SCGN: variants seen among roughly 807,000 people sequenced by gnomAD.
SCGN encodes the protein secretagogin.
In SCGN, 30 loss-of-function variants were observed where a neutral mutation model predicts 39.7. The ratio of observed to expected loss-of-function variants is 0.76; its 90% CI spans 0.57 to 1.03. The LOEUF (loss-of-function observed/expected upper bound fraction) is 1.03, where lower values mean the gene tolerates loss of function less well. Among genes scored for constraint, SCGN ranks in the 50% least tolerant of loss-of-function variants. The pLI, the probability that SCGN is intolerant of heterozygous loss-of-function variation, is 0.00. For missense variants in SCGN, 353 were observed against 349.4 expected, an observed-to-expected ratio of 1.01 and a Z score of -0.08; for synonymous variants, 106 against 114.1, an observed-to-expected ratio of 0.93 and a Z score of 0.45.
chr6:25,665,944 T>A (rs116520418), intron 4 of SCGN, among the ~76,000 whole-genome samples: 1,530 of 152,292 alleles, frequency 0.01, 13 homozygotes, highest in Middle Eastern at 0.027. Flanking sequence ...TAGGCATACA[T>A]TGTAGAATAA....
At position 25,689,450 on chromosome 6, in the gene SCGN, CATA is replaced by C; in HGVS notation, c.574-20_574-18del. ...CTGAATTGTCACATTGCTGGACTGA[CATA>C]ATGTTTTTTCCTTACACAGGCTTGT... On this transcript the variant is annotated intron_variant, in intron 8 of 10. Transcript: ENST00000377961. The C allele has an allele frequency of 6.2e-7, 1 of 1,604,780 alleles. No individual in the cohort carries two copies. Among genetic ancestry groups the C allele is most frequent in the Non-Finnish European group, 8.5e-7 (1 of 1,171,702 alleles).
intron 4 of SCGN, among the ~76,000 whole-genome samples, chr6:25,666,281 A>C (rs772749202): frequency 6.6e-6 from 1 of 151,986 alleles, no homozygotes; most frequent in African/African-American, 2.4e-5. Context: ...ACTTGAACCC[A>C]GGAGGCGGAG....
intron 2 of SCGN, among the ~76,000 whole-genome samples, chr6:25,657,420 G>A (rs1760246527): frequency 6.6e-6 from 1 of 152,132 alleles, no homozygotes; most frequent in Non-Finnish European, 1.5e-5. Flanking sequence ...TTAGAATAAT[G>A]TTTTGGCCTG....
intron 2 of SCGN, among the ~76,000 whole-genome samples, chr6:25,655,687 C>T (rs1760215145): frequency 6.6e-6 from 1 of 152,062 alleles, no homozygotes; most frequent in African/African-American, 2.4e-5. Context: ...AAATGCAGAC[C>T]CCTAGGTCTC....
chr6:25,681,087 T>C (rs1759631979), intron 6 of SCGN, among the ~76,000 whole-genome samples: 1 of 152,220 alleles, frequency 6.6e-6, no homozygotes, highest in Non-Finnish European at 1.5e-5. Flanking sequence ...ATCTCTCTCT[T>C]CTATTTTGCC....
intron 2 of SCGN, among the ~76,000 whole-genome samples, chr6:25,659,028 C>G (rs1042460000): frequency 2.0e-5 from 3 of 152,172 alleles, no homozygotes; most frequent in Non-Finnish European, 4.4e-5. Context: ...ACTATTATAA[C>G]CCGACATCAA....
At chr6:25,689,265 C>T (rs1379114632) in intron 8 of SCGN, 48 bp downstream of exon 8, 3 of 1,378,020 alleles carry the variant, frequency 2.2e-6, no homozygotes, top group South Asian at 1.2e-5. Flanking sequence ...TGCTGTTTCT[C>T]TACGGATTTG....
chr6:25,659,418 A>C (rs1395919156), intron 2 of SCGN, among the ~76,000 whole-genome samples: 4 of 152,208 alleles, frequency 2.6e-5, no homozygotes, highest in Non-Finnish European at 5.9e-5. Context: ...ACCAGATATC[A>C]AATATGCTGG....
chr6:25,691,593 G>A (rs1759774138), intron 10 of SCGN, among the ~76,000 whole-genome samples: 2 of 151,988 alleles, frequency 1.3e-5, no homozygotes, highest in Admixed American at 6.5e-5. Flanking sequence ...CTGAGGTTGG[G>A]GCGGATGAAA....
intron 7 of SCGN, among the ~76,000 whole-genome samples, chr6:25,684,004 T>C (rs1759670464): frequency 6.6e-6 from 1 of 152,222 alleles, no homozygotes. Flanking sequence ...GGGGCAATTC[T>C]TCATTCTGCA....
At position 25,652,478 on chromosome 6, in the gene SCGN, T is replaced by C; in HGVS notation, c.75T>C (p.Asp25=). 3.1e-6 allele frequency: 5 copies of C among 1,613,956 alleles called. No homozygotes were observed. The highest frequency in any genetic ancestry group is 4.2e-6 in the Non-Finnish European group (5 of 1,179,990). The change falls in exon 1 of 11, where the codon GAT becomes GAC. Residue 25 remains aspartate (D), a synonymous_variant. Coordinates refer to ENST00000377961, the MANE Select transcript of SCGN (RefSeq NM_006998.4). ...TCTGGCAGGTCTGGCAGCGCTTTGATGCGGATGGTGAGTAGAACAAGCCAC... is the reference window on the plus strand; with the variant it reads ...TCTGGCAGGTCTGGCAGCGCTTTGACGCGGATGGTGAGTAGAACAAGCCAC... ...AGFWQVWQRF[D]ADEKGYIEEK...
At chr6:25,691,796 A>G (rs1183858288) in intron 10 of SCGN, among the ~76,000 whole-genome samples, 1 of 151,864 alleles carries the variant, frequency 6.6e-6, no homozygotes, top group Non-Finnish European at 1.5e-5. Flanking sequence ...GGATTTTTTG[A>G]GGTTTGTTCA....
intron 3 of SCGN, among the ~76,000 whole-genome samples, chr6:25,661,931 C>T (rs1458495681): frequency 6.6e-6 from 1 of 152,072 alleles, no homozygotes; most frequent in Non-Finnish European, 1.5e-5. Flanking sequence ...ATGATAGAGG[C>T]CTTTCAATTA....
At chr6:25,689,850 C>T (rs1759754179) in intron 9 of SCGN, among the ~76,000 whole-genome samples, 1 of 152,072 alleles carries the variant, frequency 6.6e-6, no homozygotes, top group Non-Finnish European at 1.5e-5. Context: ...ATACAACCCT[C>T]CCACCCAATA....
chr6:25,654,813 C>T (rs186469365), intron 2 of SCGN, among the ~76,000 whole-genome samples: 1 of 152,158 alleles, frequency 6.6e-6, no homozygotes, highest in Non-Finnish European at 1.5e-5. Context: ...CTGCACTCCA[C>T]CCCTTACCCT....
chr6:25,680,656 G>A (rs994751116), intron 6 of SCGN, among the ~76,000 whole-genome samples: 1 of 152,174 alleles, frequency 6.6e-6, no homozygotes, highest in Non-Finnish European at 1.5e-5. Flanking sequence ...TAATGAAGGT[G>A]TCACAGAAAA....
chr6:25,654,876 T>C (rs2072846), intron 2 of SCGN, among the ~76,000 whole-genome samples: 42,957 of 152,048 alleles, frequency 0.28, 6,143 homozygotes, highest in African/African-American at 0.33. Context: ...GAGACACAAG[T>C]CCCTTCTTTC....
chr6:25,676,071 T>C (rs549684378), intron 6 of SCGN, among the ~76,000 whole-genome samples: 35 of 152,342 alleles, frequency 2.3e-4, no homozygotes, highest in Admixed American at 1.0e-3. Flanking sequence ...GCTCAAGGCA[T>C]GACACTTGAA....
At chr6:25,665,174 T>C in intron 4 of SCGN, 142 bp downstream of exon 4, 1 of 619,848 alleles carries the variant, frequency 1.6e-6, no homozygotes, top group East Asian at 2.8e-5. Flanking sequence ...AAAAAATGCC[T>C]TAGTGATGAG....
Sources: gnomAD v4.1 joint callset for allele counts (sites outside exome capture counted in the v4.1 genomes callset) on GRCh38, gnomAD v4.1.1 for gene constraint, MANE v1.5 for transcripts, NCBI Gene and HGNC (gene_info 2026-07-23, HGNC 2026-07-21) for gene names.